Variants in CNBD1 observed in about 807,000 individuals in gnomAD.
The protein encoded by CNBD1 is cyclic nucleotide-binding domain-containing protein 1.
A neutral mutation model predicts 54.4 loss-of-function variants in CNBD1; 71 were observed. The observed-to-expected ratio is 1.30, with a 90% CI of 1.08 to 1.59. The LOEUF is 1.59. Ranked by LOEUF, CNBD1 falls within the 40% of genes most tolerant of loss-of-function variation. CNBD1 has a pLI of 0.00. For missense variants in CNBD1, 659 were observed against 518.0 expected, an observed-to-expected ratio of 1.27 and a Z score of -2.64; for synonymous variants, 182 against 170.7, an observed-to-expected ratio of 1.07 and a Z score of -0.51.
At chr8:87,290,592 A>G (rs187221867) in intron 8 of CNBD1, among the ~76,000 whole-genome samples, 1 of 152,102 alleles carries the variant, frequency 6.6e-6, no homozygotes, top group Non-Finnish European at 1.5e-5. Context: ...TCAAATTACT[A>G]TCTGGGGATG....
intron 4 of CNBD1, among the ~76,000 whole-genome samples, chr8:87,092,415 G>GTA (rs1811226064): frequency 2.8e-5 from 4 of 143,832 alleles, no homozygotes; most frequent in African/African-American, 1.1e-4. Context: ...GTATATGTGT[G>GTA]TGTATGTATG....
chr8:87,113,398 C>A (rs1397716324), intron 4 of CNBD1, among the ~76,000 whole-genome samples: 1 of 152,134 alleles, frequency 6.6e-6, no homozygotes, highest in Non-Finnish European at 1.5e-5. Context: ...CTGACTGTTT[C>A]CTCTACAGTA....
intron 4 of CNBD1, among the ~76,000 whole-genome samples, chr8:87,184,576 G>A (rs1039596017): frequency 1.3e-5 from 2 of 152,118 alleles, no homozygotes; most frequent in African/African-American, 4.8e-5. Context: ...TGGGGGTCAT[G>A]GGGTCTCCTG....
At chr8:87,318,362 A>G (rs914351707) in intron 8 of CNBD1, among the ~76,000 whole-genome samples, 1 of 152,090 alleles carries the variant, frequency 6.6e-6, no homozygotes, top group African/African-American at 2.4e-5. Context: ...GTACTCAGCA[A>G]CAATTTTATA....
rs77598236 is a variant in CNBD1 at position 87,311,915 on chromosome 8, G to A, written c.1042+25244G>A. ...ACATTGGACACTCATGGACATAAAG[G>A]TGCCAACTGTAGACAATGGGGACTA... On this transcript the variant is annotated intron_variant, in intron 8 of 10. Coordinates refer to ENST00000518476, the MANE Select transcript of CNBD1 (RefSeq NM_173538.3). Among the ~76,000 whole-genome samples, 1,032 of 152,070 alleles carry A rather than the reference G, an allele frequency of 6.8e-3. 11 individuals are homozygous for A. The highest frequency in any genetic ancestry group is 0.034 in the Middle Eastern group (10 of 294).
chr8:87,305,591 A>G (rs1414580305), intron 8 of CNBD1, among the ~76,000 whole-genome samples: 4 of 152,148 alleles, frequency 2.6e-5, no homozygotes, highest in Non-Finnish European at 4.4e-5. Flanking sequence ...GAGAACACAG[A>G]AATAAACCCA....
Position 87,196,025 on chromosome 8 carries a change from C to A in CNBD1, c.432-9968C>A, listed in dbSNP as rs189900587. Reference sequence around the variant, plus strand: ...GTAATATAAATTGATTATGTTACTTCAGAATTTTGAGCATATTCAAATCAG... The same window carrying A: ...GTAATATAAATTGATTATGTTACTTAAGAATTTTGAGCATATTCAAATCAG... On this transcript the variant is annotated intron_variant, in intron 4 of 10. Coordinates refer to ENST00000518476, the MANE Select transcript of CNBD1 (RefSeq NM_173538.3). Among the ~76,000 whole-genome samples, 265 of 152,168 alleles carry A rather than the reference C, an allele frequency of 1.7e-3. 1 individual carries two copies. Among genetic ancestry groups the A allele is most frequent in the Non-Finnish European group, 8.7e-4 (59 of 68,012 alleles).
chr8:86,895,580 G>A (rs1349005053), intron 2 of CNBD1, among the ~76,000 whole-genome samples: 1 of 152,130 alleles, frequency 6.6e-6, no homozygotes, highest in Non-Finnish European at 1.5e-5. Flanking sequence ...AAATGAGTGA[G>A]TTTCTTTTGC....
chr8:87,392,053 G>A (rs1349181881), intron 2 of CNBD1, among the ~76,000 whole-genome samples: 3 of 152,018 alleles, frequency 2.0e-5, no homozygotes, highest in South Asian at 4.1e-4. Context: ...ACAGAAAAAG[G>A]TACTCACTTT....
intron 10 of CNBD1, among the ~76,000 whole-genome samples, chr8:87,367,830 G>A (rs1399134569): frequency 6.6e-6 from 1 of 152,084 alleles, no homozygotes; most frequent in African/African-American, 2.4e-5. Context: ...TCATTGGGAT[G>A]AGAGAGAACT....
intron 4 of CNBD1, among the ~76,000 whole-genome samples, chr8:87,025,697 CA>C (rs1419183719): frequency 2.6e-5 from 4 of 152,068 alleles, no homozygotes; most frequent in African/African-American, 4.8e-5. Flanking sequence ...TCCGGACAGG[CA>C]ACCTTTAAGA....
At chr8:86,915,870 T>C (rs1662552037) in intron 3 of CNBD1, among the ~76,000 whole-genome samples, 1 of 152,190 alleles carries the variant, frequency 6.6e-6, no homozygotes, top group Admixed American at 6.5e-5. Flanking sequence ...AATAAAATGC[T>C]CGGGTAGATG....
At chr8:86,898,614 A>G (rs1180663767) in intron 2 of CNBD1, among the ~76,000 whole-genome samples, 1 of 152,214 alleles carries the variant, frequency 6.6e-6, no homozygotes, top group Non-Finnish European at 1.5e-5. Context: ...CTGGATATCC[A>G]TATCCAATAA....
chr8:87,407,561 A>T (rs1807671607), intron 2 of CNBD1, among the ~76,000 whole-genome samples: 1 of 152,036 alleles, frequency 6.6e-6, no homozygotes, highest in South Asian at 2.1e-4. Flanking sequence ...CAGCTTTAGT[A>T]CATACTGAGA....
At chr8:87,183,422 AT>A (rs34625413) in intron 4 of CNBD1, among the ~76,000 whole-genome samples, 54,754 of 106,558 alleles carry the variant, frequency 0.51, 11,917 homozygotes, top group Admixed American at 0.59. Context: ...TGGCTATATT[AT>A]TTTCCCACAT....
intron 6 of CNBD1, among the ~76,000 whole-genome samples, chr8:87,278,405 A>G (rs1808527004): frequency 1.3e-5 from 2 of 151,618 alleles, no homozygotes. Flanking sequence ...ATGTAAATCA[A>G]AGGTAGTTAA....
rs373390274 is a variant in CNBD1, at chr8:86,897,212, C to T, written c.159-7869C>T. ...TCACATTTTCATTTTGCACTGGGCCCCGCAAATTATATAGCTGGTCTTGAA... is the reference window on the plus strand; with the variant it reads ...TCACATTTTCATTTTGCACTGGGCCTCGCAAATTATATAGCTGGTCTTGAA... On this transcript the variant is annotated intron_variant, in intron 2 of 10. Coordinates refer to ENST00000518476, the MANE Select transcript of CNBD1 (RefSeq NM_173538.3). 8.2e-4 allele frequency among the ~76,000 whole-genome samples: 125 copies of T among 152,094 alleles called. 1 individual carries two copies. Among genetic ancestry groups the T allele is most frequent in the African/African-American group, 2.9e-3 (121 of 41,484 alleles).
At chr8:87,274,270 C>A (rs1419725498) in intron 6 of CNBD1, among the ~76,000 whole-genome samples, 1 of 150,128 alleles carries the variant, frequency 6.7e-6, no homozygotes, top group Non-Finnish European at 1.5e-5. Context: ...ATTTATAGTC[C>A]TTTGGGTATA....
At chr8:87,401,624 G>A (rs1417855641) in intron 2 of CNBD1, among the ~76,000 whole-genome samples, 1 of 152,050 alleles carries the variant, frequency 6.6e-6, no homozygotes, top group African/African-American at 2.4e-5. Context: ...GCTGGGCCAT[G>A]AGAATCTGCA....
Sources: allele counts gnomAD v4.1 joint callset (sites outside exome capture counted in the v4.1 genomes callset), GRCh38; gene constraint gnomAD v4.1.1; transcripts MANE v1.5; gene names NCBI Gene and HGNC (gene_info 2026-07-23, HGNC 2026-07-21).